Variants in B3GLCT observed in about 807,000 individuals in gnomAD.
B3GLCT encodes beta-1,3-glucosyltransferase.
Under a neutral mutation model 63.4 loss-of-function variants are expected in B3GLCT, and 65 were observed. The ratio of observed to expected loss-of-function variants is 1.03; its 90% CI spans 0.84 to 1.26. The LOEUF (loss-of-function observed/expected upper bound fraction) is 1.26, where lower values mean the gene tolerates loss of function less well. Ranked by LOEUF, B3GLCT falls within the 50% of genes most tolerant of loss-of-function variation. B3GLCT has a pLI of 0.00. For missense variants in B3GLCT, 577 were observed against 604.8 expected, an observed-to-expected ratio of 0.95 and a Z score of 0.48; for synonymous variants, 233 against 219.2, an observed-to-expected ratio of 1.06 and a Z score of -0.55.
In B3GLCT at chr13:31,215,110, C is replaced by A. The variant is rs752062750; in HGVS notation, c.120+10C>A. The A allele has an allele frequency of 1.2e-5, 20 of 1,609,310 alleles. No homozygotes were observed. The highest frequency in any genetic ancestry group is 1.7e-5 in the Admixed American group (1 of 59,932). ...GGTCAAGCAGTCTCAGGTACTAATC[C>A]CAATGATCAAATCTTTTCCTCCCTT... On this transcript the variant is annotated intron_variant, in intron 2 of 14. Transcript: ENST00000343307.
intron 12 of B3GLCT, among the ~76,000 whole-genome samples, chr13:31,294,670 G>C (rs1057309639): frequency 6.6e-6 from 1 of 152,104 alleles, no homozygotes; most frequent in South Asian, 2.1e-4. Flanking sequence ...GGTTATTTCT[G>C]TTCTTCTCTA....
Position 31,200,021 on chromosome 13 carries a change from G to C in B3GLCT, c.-64G>C. The C allele has an allele frequency of 2.7e-6, 3 of 1,101,752 alleles. No homozygotes were observed. Among genetic ancestry groups the C allele is most frequent in the Non-Finnish European group, 3.5e-6 (3 of 861,362 alleles). The allele number at this position is 1,101,752 out of a possible 1,614,324, so 68.2% of individuals were successfully genotyped here. On this transcript the variant is annotated 5_prime_UTR_variant, in exon 1 of 15. Transcript: ENST00000343307. ...GCAGGGCGGCGGCGGCAGCGGCGCA[G>C]CTCCGCTCCCCGCGCGTCTCCCTTC...
intron 2 of B3GLCT, among the ~76,000 whole-genome samples, chr13:31,215,367 A>G (rs985278501): frequency 7.2e-5 from 11 of 152,196 alleles, no homozygotes; most frequent in African/African-American, 2.7e-4. Context: ...GGACATTTTA[A>G]TAGTCTTGCT....
At chr13:31,274,906 G>T (rs1043113846) in intron 9 of B3GLCT, among the ~76,000 whole-genome samples, 3 of 152,222 alleles carry the variant, frequency 2.0e-5, no homozygotes, top group Admixed American at 2.0e-4. Context: ...TTTTATGTTT[G>T]TGTGTACCCA....
At chr13:31,317,754 C>G (rs1875124829) in intron 13 of B3GLCT, 69 bp downstream of exon 13, 1 of 1,597,746 alleles carries the variant, frequency 6.3e-7, no homozygotes, top group Non-Finnish European at 8.6e-7. Context: ...AGAGGTAGGT[C>G]TCTGGCACTG....
chr13:31,202,178 CTATA>C (rs1868706011), intron 1 of B3GLCT, among the ~76,000 whole-genome samples: 1 of 152,128 alleles, frequency 6.6e-6, no homozygotes, highest in East Asian at 1.9e-4. Context: ...ATTGGCCTGA[CTATA>C]TAGTTTAGTT....
intron 7 of B3GLCT, among the ~76,000 whole-genome samples, chr13:31,264,414 G>A (rs765687167): frequency 1.2e-4 from 18 of 152,078 alleles, no homozygotes; most frequent in Non-Finnish European, 2.5e-4. Context: ...CCAACAAACC[G>A]TAGAATGTGT....
intron 4 of B3GLCT, among the ~76,000 whole-genome samples, chr13:31,241,465 A>T (rs1206470686): frequency 6.6e-6 from 1 of 152,240 alleles, no homozygotes; most frequent in Non-Finnish European, 1.5e-5. Flanking sequence ...TGTGATGCCC[A>T]GCAGGGATGG....
intron 1 of B3GLCT, among the ~76,000 whole-genome samples, chr13:31,205,523 C>T (rs1468667410): frequency 6.6e-6 from 1 of 151,952 alleles, no homozygotes; most frequent in Non-Finnish European, 1.5e-5. Context: ...TGCACCACTG[C>T]ACTTCAGCCT....
At chr13:31,300,794 C>T (rs1352099664) in intron 12 of B3GLCT, among the ~76,000 whole-genome samples, 1 of 152,102 alleles carries the variant, frequency 6.6e-6, no homozygotes, top group Admixed American at 6.5e-5. Context: ...AATCTTGTGA[C>T]CTCTGTCCAC....
At chr13:31,273,910 G>C (rs987227183) in intron 8 of B3GLCT, among the ~76,000 whole-genome samples, 3 of 152,068 alleles carry the variant, frequency 2.0e-5, no homozygotes, top group Admixed American at 1.3e-4. Context: ...GATTGCTGTT[G>C]GTCACACCCC....
chr13:31,308,445 T>C (rs116862209), intron 12 of B3GLCT, among the ~76,000 whole-genome samples: 39 of 150,526 alleles, frequency 2.6e-4, no homozygotes, highest in Non-Finnish European at 5.0e-4. Flanking sequence ...CATTTATAGG[T>C]GGAGTCTGGC....
chr13:31,327,032 T>G (rs1013780791), intron 14 of B3GLCT, among the ~76,000 whole-genome samples: 9 of 146,734 alleles, frequency 6.1e-5, no homozygotes, highest in African/African-American at 2.3e-4. Context: ...TTTCCATTGC[T>G]TTTACAGTAG....
intron 12 of B3GLCT, among the ~76,000 whole-genome samples, chr13:31,317,195 A>G (rs1200630260): frequency 2.6e-5 from 4 of 152,138 alleles, no homozygotes; most frequent in Non-Finnish European, 5.9e-5. Flanking sequence ...ATTAGTTCAC[A>G]CTCACTTGAA....
intron 7 of B3GLCT, among the ~76,000 whole-genome samples, chr13:31,264,383 C>T (rs777233194): frequency 3.9e-5 from 6 of 152,084 alleles, no homozygotes; most frequent in Non-Finnish European, 8.8e-5. Context: ...GTCATCTGCT[C>T]GTCACAACGC....
At chr13:31,219,783 G>T (rs1869732628) in intron 2 of B3GLCT, among the ~76,000 whole-genome samples, 1 of 152,180 alleles carries the variant, frequency 6.6e-6, no homozygotes, top group Non-Finnish European at 1.5e-5. Context: ...CTTTTAAGAG[G>T]TTGCATAAGC....
At chr13:31,304,133 A>AT (rs1234624904) in intron 12 of B3GLCT, among the ~76,000 whole-genome samples, 3 of 103,332 alleles carry the variant, frequency 2.9e-5, no homozygotes, top group Non-Finnish European at 5.8e-5. Flanking sequence ...ATGCTGAGAG[A>AT]TTTTGTCGCC....
intron 1 of B3GLCT, among the ~76,000 whole-genome samples, chr13:31,213,633 C>CCCT (rs1555244552): frequency 7.9e-6 from 1 of 126,450 alleles, no homozygotes; most frequent in Non-Finnish European, 1.7e-5. Flanking sequence ...CCCCCCCCCC[C>CCCT]GCCAAAACTC....
rs1376615331 is a variant in B3GLCT at position 31,276,760 on chromosome 13, A to G, written c.839A>G (p.His280Arg). ...GCAGTAAAAACATGCAAGAAATTTC[A>G]TGGTGACAGAAGTATGTTTTGGGTT... is the stretch of plus-strand genomic sequence containing the variant. ...FVAVKTCKKF[H>R]GDRIPIVKQT... Residue 280 changes from histidine to arginine, a missense_variant, in exon 10 of 15, where the codon CAT becomes CGT. Transcript: ENST00000343307. The G allele has an allele frequency of 2.5e-6, 4 of 1,611,424 alleles. No individual in the cohort carries two copies. Among genetic ancestry groups the G allele is most frequent in the Non-Finnish European group, 1.7e-6 (2 of 1,177,596 alleles).
Sources: gnomAD v4.1 joint callset for allele counts (sites outside exome capture counted in the v4.1 genomes callset) on GRCh38, gnomAD v4.1.1 for gene constraint, MANE v1.5 for transcripts, NCBI Gene and HGNC (gene_info 2026-07-23, HGNC 2026-07-21) for gene names.